Variants in APLP2 observed in about 807,000 individuals in gnomAD.
APLP2 encodes CDEI box-binding protein.
A neutral mutation model predicts 89.9 loss-of-function variants in APLP2; 53 were observed. The ratio of observed to expected loss-of-function variants is 0.59; its 90% CI spans 0.47 to 0.74. The LOEUF (loss-of-function observed/expected upper bound fraction) is 0.74, where lower values mean the gene tolerates loss of function less well. Ranked by LOEUF, APLP2 falls within the 30% of genes least tolerant of loss-of-function variation. APLP2 has a pLI of 0.00. For synonymous variants in APLP2, 372 were observed against 348.6 expected (o/e 1.07, Z -0.75); for missense variants, 973 against 975.9 (o/e 1.00, Z 0.04).
intron 13 of APLP2, among the ~76,000 whole-genome samples, chr11:130,137,536 G>C (rs1029964397): frequency 4.6e-5 from 7 of 152,178 alleles, no homozygotes; most frequent in African/African-American, 1.4e-4. Flanking sequence ...CTTTCCCTCT[G>C]GGATGTCAGA....
chr11:130,110,464 C>G (rs1948404849), intron 2 of APLP2, 74 bp from the exon 3 acceptor site: 2 of 1,561,296 alleles, frequency 1.3e-6, no homozygotes, highest in Middle Eastern at 1.7e-4. Context: ...TAAACTTAGA[C>G]ACTCCATCCT....
chr11:130,121,840 G>C lies in APLP2; in HGVS notation c.713+30G>C, dbSNP rs771665731. On this transcript the variant is annotated intron_variant, in intron 5 of 16. Transcript: ENST00000338167. ...CTCTTCTACTTTGAACTGTGAAGTC[G>C]TTTTGCCTTTTTGTTAGCCCTTCTG... 11 of 1,596,218 alleles carry C rather than the reference G, an allele frequency of 6.9e-6. No homozygotes were observed. In the South Asian group the frequency reaches 1.2e-4, roughly 18 times the overall value.
intron 1 of APLP2, among the ~76,000 whole-genome samples, chr11:130,092,213 G>C (rs1035499972): frequency 7.1e-6 from 1 of 141,442 alleles, no homozygotes; most frequent in East Asian, 2.4e-4. Context: ...TGGCGGCTGG[G>C]CGGAGACGCT....
At chr11:130,097,714 T>G (rs1259631637) in intron 1 of APLP2, among the ~76,000 whole-genome samples, 1 of 152,190 alleles carries the variant, frequency 6.6e-6, no homozygotes, top group Non-Finnish European at 1.5e-5. Context: ...AAGAAAAACC[T>G]AAACCTGTGA....
At position 130,127,829 on chromosome 11, in the gene APLP2, A is replaced by G; in HGVS notation, c.1285A>G (p.Thr429Ala). ...AKNLPKAERQ[T>A]LIQHFQAMVK... ...GAACCTCCCCAAAGCAGAGAGGCAG[A>G]CTCTGATTCAGGTAAGATGCCTTCT... is the stretch of plus-strand genomic sequence containing the variant. Residue 429 changes from threonine (T) to alanine (A), a missense_variant, in exon 9 of 17, where the codon ACT becomes GCT. Coordinates refer to ENST00000338167, the MANE Select transcript of APLP2 (RefSeq NM_001142276.2). The G allele has an allele frequency of 6.2e-7, 1 of 1,613,928 alleles. No individual in the cohort carries two copies.
At chr11:130,093,305 T>G (rs1370203942) in intron 1 of APLP2, among the ~76,000 whole-genome samples, 1 of 152,148 alleles carries the variant, frequency 6.6e-6, no homozygotes, top group Non-Finnish European at 1.5e-5. Context: ...ACCTTGAACA[T>G]GAACGAGAAC....
rs1950012795 is a variant in APLP2, at chr11:130,123,146, G to T, written c.923-466G>T. Among the ~76,000 whole-genome samples the T allele has an allele frequency of 6.6e-6, 1 of 152,198 alleles. No individual in the cohort carries two copies. The highest frequency in any genetic ancestry group is 1.5e-5 in the Non-Finnish European group (1 of 68,040). Reference sequence around the variant, plus strand: ...CAAGTTGGGGGAAATTACTTAACCAGTTGAGAAGTTTGTGATTTGCCTTAG... The same window carrying T: ...CAAGTTGGGGGAAATTACTTAACCATTTGAGAAGTTTGTGATTTGCCTTAG... On this transcript the variant is annotated intron_variant, in intron 6 of 16. Transcript: ENST00000338167. This position sits in a 1 kb window ranked among gnomAD's most constrained non-coding sequence, Gnocchi z 4.0.
Position 130,120,737 on chromosome 11 carries a change from T to C in APLP2, c.435T>C (p.Val145=). 6.2e-7 allele frequency: 1 copy of C among 1,613,974 alleles called. No homozygotes were observed. Among genetic ancestry groups the C allele is most frequent in the Non-Finnish European group, 8.5e-7 (1 of 1,179,870 alleles). ...VGEFVSDVLL[V]PEKCQFFHKE... ...AATTTGTAAGTGATGTCCTGCTAGTTCCAGAAAAGTGCCAGTTTTTCCACA... is the reference window on the plus strand; with the variant it reads ...AATTTGTAAGTGATGTCCTGCTAGTCCCAGAAAAGTGCCAGTTTTTCCACA... Residue 145 remains valine (V), a synonymous_variant, in exon 4 of 17, where the codon GTT becomes GTC. Transcript: ENST00000338167.
At chr11:130,110,432 T>C (rs1473003980) in intron 2 of APLP2, 106 bp from the exon 3 acceptor site, 11 of 1,353,064 alleles carry the variant, frequency 8.1e-6, no homozygotes, top group African/African-American at 1.5e-5. Flanking sequence ...TAGATGTATG[T>C]AGGATAAGGG....
chr11:130,075,906 T>A (rs543782297), intron 1 of APLP2, among the ~76,000 whole-genome samples: 17 of 151,244 alleles, frequency 1.1e-4, no homozygotes, highest in South Asian at 1.0e-3. Context: ...GGAACTAATT[T>A]CATACAAGTT....
At position 130,126,790 on chromosome 11, in the gene APLP2, A is replaced by G; in HGVS notation, c.1181A>G (p.Lys394Arg). ...DNEHARFQKA[K>R]EQLEIRHRNR... is the part of the protein sequence containing the mutation. ...GAGCATGCTCGCTTCCAGAAGGCTA[A>G]GGAGCAGCTGGAGATTCGGCACCGC... Residue 394 changes from lysine to arginine, a missense_variant, in exon 8 of 17, where the codon AAG (lysine) becomes AGG (arginine). Transcript: ENST00000338167. The G allele has an allele frequency of 6.2e-7, 1 of 1,614,230 alleles. No homozygotes were observed. Among genetic ancestry groups the G allele is most frequent in the Non-Finnish European group, 8.5e-7 (1 of 1,180,036 alleles).
At chr11:130,118,756 T>C (rs1036601231) in intron 3 of APLP2, among the ~76,000 whole-genome samples, 1 of 152,226 alleles carries the variant, frequency 6.6e-6, no homozygotes, top group Non-Finnish European at 1.5e-5. Context: ...TGCTAAAGCC[T>C]GTTTGCAGGT....
At chr11:130,103,071 T>G (rs533613915) in intron 1 of APLP2, among the ~76,000 whole-genome samples, 18 of 152,314 alleles carry the variant, frequency 1.2e-4, no homozygotes, top group Admixed American at 1.1e-3. Flanking sequence ...CAAAATCCCA[T>G]TTGTAACATG....
intron 3 of APLP2, among the ~76,000 whole-genome samples, chr11:130,114,775 G>A (rs1948983034): frequency 6.6e-6 from 1 of 152,244 alleles, no homozygotes; most frequent in Non-Finnish European, 1.5e-5. Flanking sequence ...ACAGAGATTT[G>A]GACAGGTAGT....
intron 1 of APLP2, among the ~76,000 whole-genome samples, chr11:130,092,779 CG>C (rs1284972939): frequency 5.3e-5 from 8 of 151,766 alleles, no homozygotes; most frequent in Admixed American, 1.3e-4. Context: ...ATACAGTTAA[CG>C]TATGAATAAA....
At chr11:130,102,289 AC>A (rs1260953046) in intron 1 of APLP2, among the ~76,000 whole-genome samples, 2 of 152,214 alleles carry the variant, frequency 1.3e-5, no homozygotes, top group African/African-American at 4.8e-5. Flanking sequence ...AGGTTTTTGA[AC>A]AAGAGCGTCG....
At chr11:130,099,536 A>G (rs1174164878) in intron 1 of APLP2, among the ~76,000 whole-genome samples, 1 of 152,224 alleles carries the variant, frequency 6.6e-6, no homozygotes, top group African/African-American at 2.4e-5. Flanking sequence ...TCTTGACTTC[A>G]CTTCCAAGTC....
rs558862788 is a variant in APLP2, at chr11:130,106,709, A to G, written c.106-2720A>G. On this transcript the variant is annotated intron_variant, in intron 1 of 16. Transcript: ENST00000338167. ...GGTCAGATTCCTTTTTTTTTTTGAG[A>G]TTTGAGTCTTGCTCTCTTGCCTAGG... is the stretch of plus-strand genomic sequence containing the variant. Among the ~76,000 whole-genome samples, 8 of 148,194 alleles carry G rather than the reference A, an allele frequency of 5.4e-5. No homozygotes were observed. In the East Asian group the frequency reaches 1.6e-3, roughly 29 times the overall value.
intron 1 of APLP2, among the ~76,000 whole-genome samples, chr11:130,091,486 G>A (rs1591779666): frequency 7.4e-5 from 10 of 135,214 alleles, no homozygotes; most frequent in East Asian, 2.5e-4. Flanking sequence ...GGCTGGCCGG[G>A]CGGAGGGCTG....
Sources: gnomAD v4.1 joint callset for allele counts (sites outside exome capture counted in the v4.1 genomes callset) on GRCh38, gnomAD v4.1.1 for gene constraint, Gnocchi (gnomAD v3.1) non-coding constraint, MANE v1.5 for transcripts, NCBI Gene and HGNC (gene_info 2026-07-23, HGNC 2026-07-21) for gene names.